HEPACAM2: variants seen among roughly 807,000 people sequenced by gnomAD.
HEPACAM2 encodes the protein HEPACAM family member 2.
HEPACAM2 carries 49 observed loss-of-function variants against 49.6 expected under a neutral mutation model. The ratio of observed to expected loss-of-function variants is 0.99; its 90% CI spans 0.78 to 1.25. The LOEUF is 1.25. Among genes scored for constraint, HEPACAM2 ranks in the 50% most tolerant of loss-of-function variants. The pLI, the probability that HEPACAM2 is intolerant of heterozygous loss-of-function variation, is 0.00. For synonymous variants in HEPACAM2, 197 were observed against 202.9 expected, an observed-to-expected ratio of 0.97 and a Z score of 0.25; for missense variants, 525 against 557.2, an observed-to-expected ratio of 0.94 and a Z score of 0.58.
chr7:93,206,193 A>G (rs1794023999), intron 4 of HEPACAM2, among the ~76,000 whole-genome samples: 1 of 152,068 alleles, frequency 6.6e-6, no homozygotes, highest in South Asian at 2.1e-4. Context: ...TGAAGATGAT[A>G]CCAGGATTGC....
chr7:93,208,980 A>T (rs1245301976), intron 3 of HEPACAM2, 104 bp from the exon 4 acceptor site: 4 of 977,736 alleles, frequency 4.1e-6, no homozygotes, highest in African/African-American at 3.3e-5. Context: ...GAAAATTTTC[A>T]TCTTAGAATT....
At chr7:93,202,856 A>T (rs764299595) in intron 4 of HEPACAM2, among the ~76,000 whole-genome samples, 1 of 152,110 alleles carries the variant, frequency 6.6e-6, no homozygotes, top group Non-Finnish European at 1.5e-5. Context: ...CTTAATATAC[A>T]ATGACTGGAT....
At chr7:93,225,868 A>T in intron 1 of HEPACAM2, 1 of 1,241,076 alleles carries the variant, frequency 8.1e-7, no homozygotes, top group Non-Finnish European at 1.1e-6. Context: ...TTTTTTTGTT[A>T]GTTTGGAATC....
At chr7:93,192,782 A>C (rs1793588874) in intron 8 of HEPACAM2, among the ~76,000 whole-genome samples, 1 of 152,210 alleles carries the variant, frequency 6.6e-6, no homozygotes, top group East Asian at 1.9e-4. Flanking sequence ...GGCTTAAAAG[A>C]AAAGAACAAT....
chr7:93,209,620 C>G (rs572250227), intron 3 of HEPACAM2, among the ~76,000 whole-genome samples: 2 of 152,018 alleles, frequency 1.3e-5, no homozygotes, highest in South Asian at 4.1e-4. Flanking sequence ...TTCCCCATCT[C>G]TAGTAACTAC....
At chr7:93,216,142 A>G (rs1167343966) in intron 2 of HEPACAM2, among the ~76,000 whole-genome samples, 2 of 152,212 alleles carry the variant, frequency 1.3e-5, no homozygotes, top group East Asian at 3.9e-4. Context: ...TGCAAAATAT[A>G]CAGCTAACAT....
intron 1 of HEPACAM2, 34 bp downstream of exon 1, chr7:93,226,330 TAACA>T (rs776792334): frequency 7.7e-6 from 11 of 1,425,246 alleles, no homozygotes; most frequent in East Asian, 2.3e-5. Context: ...AAAAAAAACC[TAACA>T]AACAGCTAAA....
upstream of HEPACAM2, chr7:93,226,546 T>C: frequency 1.2e-6 from 1 of 845,296 alleles, no homozygotes; most frequent in South Asian, 1.4e-5. Flanking sequence ...TCTTGCCTCT[T>C]GCTTCTGTGA....
chr7:93,203,739 G>A (rs1211479134), intron 4 of HEPACAM2, among the ~76,000 whole-genome samples: 2 of 152,144 alleles, frequency 1.3e-5, no homozygotes, highest in African/African-American at 2.4e-5. Flanking sequence ...GCACTCAGTG[G>A]CAGGACAGCC....
chr7:93,201,729 A>G (rs998298047), intron 4 of HEPACAM2, among the ~76,000 whole-genome samples: 2 of 152,110 alleles, frequency 1.3e-5, no homozygotes, highest in African/African-American at 4.8e-5. Flanking sequence ...AAGCAATGAC[A>G]AATAAATCAA....
intron 8 of HEPACAM2, among the ~76,000 whole-genome samples, chr7:93,192,693 A>G (rs1562819463): frequency 1.3e-5 from 2 of 152,078 alleles, no homozygotes; most frequent in South Asian, 4.1e-4. Context: ...ATATCTTAGA[A>G]TCAGATAGCA....
intron 4 of HEPACAM2, 118 bp downstream of exon 4, chr7:93,208,462 G>C: frequency 4.7e-6 from 4 of 856,802 alleles, no homozygotes; most frequent in Non-Finnish European, 6.9e-6. Context: ...GAGATTTTTA[G>C]AATATATGAA....
chr7:93,229,612 T>A (rs1472101781), upstream of HEPACAM2, among the ~76,000 whole-genome samples: 1 of 152,218 alleles, frequency 6.6e-6, no homozygotes, highest in Admixed American at 6.5e-5. Context: ...CAGATCAATT[T>A]ACTTAACTCT....
At chr7:93,209,903 T>A (rs1312262983) in intron 3 of HEPACAM2, among the ~76,000 whole-genome samples, 1 of 151,892 alleles carries the variant, frequency 6.6e-6, no homozygotes. Context: ...AAAGAATTTT[T>A]AAAATCCTCC....
intron 1 of HEPACAM2, chr7:93,225,851 T>C: frequency 2.9e-6 from 3 of 1,023,566 alleles, no homozygotes; most frequent in Non-Finnish European, 4.1e-6. Context: ...CCCTTTTGTG[T>C]AGGAAATTTT....
intron 1 of HEPACAM2, among the ~76,000 whole-genome samples, chr7:93,222,876 T>C (rs1323161310): frequency 6.6e-6 from 1 of 152,164 alleles, no homozygotes; most frequent in Non-Finnish European, 1.5e-5. Flanking sequence ...CTAAATAATT[T>C]TGAAGAATTG....
rs541871267 is a variant in HEPACAM2 at position 93,197,747 on chromosome 7, G to T, written c.1013-137C>A. On this transcript the variant is annotated intron_variant, in intron 4 of 9. Transcript: ENST00000394468. ...TATATTAGAGACACACAGAGAGAGA[G>T]AGAGACCAAATGGAAGGAATGCACT... 5.2e-5 allele frequency: 31 copies of T among 596,634 alleles called. 1 individual carries two copies. The South Asian group carries it at 8.4e-4, about 16-fold the overall frequency. The allele number at this position is 596,634 out of a possible 1,614,324, so 37.0% of individuals were successfully genotyped here. A position where few individuals can be genotyped will look rare whatever the true frequency, so the allele number is the denominator to read the frequency against.
At chr7:93,231,544 A>G in the HEPACAM2 span, among the ~76,000 whole-genome samples, 2 of 152,192 alleles carry the variant, frequency 1.3e-5, no homozygotes, top group Admixed American at 6.5e-5. Context: ...TCGGCTTTCG[A>G]TAAGTGTTAG....
At chr7:93,219,647 C>T in intron 1 of HEPACAM2, 196 bp from the exon 2 acceptor site, 1 of 911,412 alleles carries the variant, frequency 1.1e-6, no homozygotes, top group Non-Finnish European at 1.6e-6. Flanking sequence ...AAAAACTCCA[C>T]CCAAAGACCG....
Sources: gnomAD v4.1 joint callset for allele counts (sites outside exome capture counted in the v4.1 genomes callset) on GRCh38, gnomAD v4.1.1 for gene constraint, MANE v1.5 for transcripts, NCBI Gene and HGNC (gene_info 2026-07-23, HGNC 2026-07-21) for gene names.